KIF5C: variants seen among roughly 807,000 people sequenced by gnomAD.
KIF5C encodes the protein kinesin family member 5C.
A neutral mutation model predicts 125.2 loss-of-function variants in KIF5C; 18 were observed. The ratio of observed to expected loss-of-function variants is 0.14; its 90% CI spans 0.10 to 0.21. The LOEUF (loss-of-function observed/expected upper bound fraction) is 0.21. KIF5C is among the 10% of genes least tolerant of loss of function. KIF5C has a pLI of 1.00. For missense variants in KIF5C, 780 were observed against 1,183.8 expected (o/e 0.66, Z 5.01); for synonymous variants, 405 against 434.0 (o/e 0.93, Z 0.83).
chr2:148,959,426 A>G (rs1214988375), intron 10 of KIF5C, among the ~76,000 whole-genome samples: 1 of 152,006 alleles, frequency 6.6e-6, no homozygotes, highest in Middle Eastern at 3.4e-3. Context: ...CAAACCCCTT[A>G]GGGTTTTTTT....
intron 10 of KIF5C, among the ~76,000 whole-genome samples, chr2:148,959,207 T>C (rs1425255394): frequency 6.6e-6 from 1 of 152,186 alleles, no homozygotes; most frequent in East Asian, 1.9e-4. Flanking sequence ...TTGTCATAAG[T>C]CAGATGACTG....
chr2:149,020,825 A>G (rs560442640), intron 25 of KIF5C, among the ~76,000 whole-genome samples: 6 of 152,282 alleles, frequency 3.9e-5, no homozygotes, highest in Admixed American at 3.3e-4. Context: ...TTAAATAACA[A>G]CTATGACCAT....
intron 10 of KIF5C, among the ~76,000 whole-genome samples, chr2:148,958,181 G>C (rs572569778): frequency 6.6e-6 from 1 of 152,250 alleles, no homozygotes; most frequent in South Asian, 2.1e-4. Context: ...ATGCCTTTGG[G>C]TGAATATATG....
chr2:148,898,774 C>T (rs1268064701), intron 1 of KIF5C, among the ~76,000 whole-genome samples: 1 of 152,184 alleles, frequency 6.6e-6, no homozygotes, highest in Non-Finnish European at 1.5e-5. Flanking sequence ...ACATCCAGAA[C>T]TGAAAGATAA....
intron 11 of KIF5C, among the ~76,000 whole-genome samples, chr2:148,965,264 T>C (rs980105207): frequency 8.6e-5 from 13 of 152,002 alleles, no homozygotes; most frequent in South Asian, 2.1e-4. Flanking sequence ...ATCAGTCTTT[T>C]GGTAGTAATT....
chr2:148,896,920 G>C (rs988491963), intron 1 of KIF5C, among the ~76,000 whole-genome samples: 8 of 151,884 alleles, frequency 5.3e-5, no homozygotes, highest in African/African-American at 1.9e-4. Flanking sequence ...GCAGCCTCCA[G>C]CTCCCAGGTT....
rs185162507 is a variant in KIF5C at position 148,958,908 on chromosome 2, C to T, written c.969-3063C>T. ...CTGAGGCAGGAGAATCACTTGAACC[C>T]GGGAGGCAGAGGTTGCAGTGAGCCG... is the stretch of plus-strand genomic sequence containing the variant. On this transcript the variant is annotated intron_variant, in intron 10 of 25. Transcript: ENST00000435030. Among the ~76,000 whole-genome samples the T allele has an allele frequency of 8.7e-3, 1,248 of 144,180 alleles. 19 individuals carry two copies. The highest frequency in any genetic ancestry group is 0.029 in the African/African-American group (1,133 of 39,312). 94.6% of individuals were successfully genotyped at this position (144,180 alleles called of 152,430 possible).
At chr2:148,925,922 G>C (rs1415511466) in intron 2 of KIF5C, among the ~76,000 whole-genome samples, 1 of 152,330 alleles carries the variant, frequency 6.6e-6, no homozygotes, top group African/African-American at 2.4e-5. Flanking sequence ...TGGCCAGCCG[G>C]CATGCGGGCT....
At chr2:148,884,760 G>A (rs1398444451) in intron 1 of KIF5C, among the ~76,000 whole-genome samples, 1 of 152,130 alleles carries the variant, frequency 6.6e-6, no homozygotes, top group Non-Finnish European at 1.5e-5. Context: ...TCTTGCAGTT[G>A]GTTTGTTCAA....
intron 8 of KIF5C, chr2:148,947,519 C>G (rs1040289589): frequency 9.9e-5 from 20 of 202,066 alleles, no homozygotes; most frequent in Non-Finnish European, 2.0e-4. Context: ...CATGGGCTGA[C>G]GGTGTCCCAT....
At chr2:148,894,018 CCA>C (rs1681774388) in intron 1 of KIF5C, among the ~76,000 whole-genome samples, 1 of 152,040 alleles carries the variant, frequency 6.6e-6, no homozygotes, top group Non-Finnish European at 1.5e-5. Context: ...ACACACCCCA[CCA>C]CACACACATA....
intron 18 of KIF5C, 98 bp downstream of exon 18, chr2:148,997,438 A>G (rs929311986): frequency 1.3e-6 from 2 of 1,577,722 alleles, no homozygotes; most frequent in Non-Finnish European, 8.6e-7. Flanking sequence ...TCAGATCCGT[A>G]TATGGCAAGG....
intron 1 of KIF5C, among the ~76,000 whole-genome samples, chr2:148,913,282 A>G (rs1392470229): frequency 6.6e-6 from 1 of 152,192 alleles, no homozygotes; most frequent in Non-Finnish European, 1.5e-5. Context: ...TCTGGATCCC[A>G]GTCTCAGCTC....
At chr2:149,003,178 TGGA>T (rs1681909184) in intron 21 of KIF5C, among the ~76,000 whole-genome samples, 1 of 152,216 alleles carries the variant, frequency 6.6e-6, no homozygotes, top group African/African-American at 2.4e-5. Flanking sequence ...CACTCAGCCT[TGGA>T]ATCCTCCCCG....
intron 15 of KIF5C, among the ~76,000 whole-genome samples, chr2:148,986,092 G>A (rs1681374803): frequency 6.6e-6 from 1 of 152,188 alleles, no homozygotes; most frequent in African/African-American, 2.4e-5. Flanking sequence ...TGATATATGG[G>A]AAGTTGATGC....
intron 1 of KIF5C, among the ~76,000 whole-genome samples, chr2:148,916,332 T>C (rs1357193917): frequency 6.6e-6 from 1 of 152,182 alleles, no homozygotes; most frequent in Non-Finnish European, 1.5e-5. Context: ...TGAATGAACA[T>C]TGAAATTTTG....
intron 1 of KIF5C, chr2:148,878,472 C>A (rs185386281): frequency 6.6e-6 from 1 of 152,236 alleles, no homozygotes; most frequent in East Asian, 1.9e-4. Flanking sequence ...TGGATAGTTT[C>A]CGGTTTGGGG....
At chr2:148,895,167 G>A (rs1310006375) in intron 1 of KIF5C, among the ~76,000 whole-genome samples, 2 of 151,918 alleles carry the variant, frequency 1.3e-5, no homozygotes, top group Non-Finnish European at 2.9e-5. Flanking sequence ...TTTTTGAGAT[G>A]GAGTCTCTTC....
intron 11 of KIF5C, among the ~76,000 whole-genome samples, chr2:148,972,647 A>G (rs1170760705): frequency 2.0e-5 from 3 of 152,222 alleles, no homozygotes; most frequent in Non-Finnish European, 2.9e-5. Context: ...TCTCTGCAAG[A>G]TAGTCTAGAT....
Sources: allele counts gnomAD v4.1 joint callset (sites outside exome capture counted in the v4.1 genomes callset), GRCh38; gene constraint gnomAD v4.1.1; transcripts MANE v1.5; gene names NCBI Gene and HGNC (gene_info 2026-07-23, HGNC 2026-07-21).